Variants in ACSL3 observed in about 807,000 individuals in gnomAD.
ACSL3 encodes the protein fatty acid CoA ligase Acsl3.
Under a neutral mutation model 84.7 loss-of-function variants are expected in ACSL3, and 34 were observed. The ratio of observed to expected loss-of-function variants is 0.40; its 90% CI spans 0.31 to 0.53. The LOEUF is 0.53. Ranked by LOEUF, ACSL3 falls within the 20% of genes least tolerant of loss-of-function variation. ACSL3 has a pLI of 0.48. For synonymous variants in ACSL3, 315 were observed against 299.4 expected, an observed-to-expected ratio of 1.05 and a Z score of -0.54; for missense variants, 680 against 873.1, an observed-to-expected ratio of 0.78 and a Z score of 2.79.
intron 11 of ACSL3, 55 bp from the exon 12 acceptor site, chr2:222,926,962 T>C (rs1696896712): frequency 1.7e-5 from 26 of 1,568,392 alleles, no homozygotes; most frequent in Admixed American, 1.0e-4. Context: ...TTTAAGTGAT[T>C]TGGAAAATCC....
chr2:222,885,136 AT>A (rs1252082755), intron 1 of ACSL3, among the ~76,000 whole-genome samples: 1 of 152,180 alleles, frequency 6.6e-6, no homozygotes, highest in Non-Finnish European at 1.5e-5. Context: ...GATTTTTAAC[AT>A]TTATTGAGGG....
intron 1 of ACSL3, among the ~76,000 whole-genome samples, chr2:222,883,899 G>T (rs564110556): frequency 6.6e-6 from 1 of 152,086 alleles, no homozygotes; most frequent in Admixed American, 6.5e-5. Flanking sequence ...TAATTTCAAA[G>T]AACTTTTTCT....
At chr2:222,892,888 A>T (rs1370286124) in intron 2 of ACSL3, among the ~76,000 whole-genome samples, 1 of 152,204 alleles carries the variant, frequency 6.6e-6, no homozygotes, top group African/African-American at 2.4e-5. Context: ...TGCACTCAGA[A>T]TTGTTTCCCA....
intron 4 of ACSL3, among the ~76,000 whole-genome samples, chr2:222,913,956 T>C (rs535677325): frequency 6.6e-6 from 1 of 152,330 alleles, no homozygotes; most frequent in Non-Finnish European, 1.5e-5. Flanking sequence ...GTTACCCTCA[T>C]TATCATTATC....
intron 5 of ACSL3, among the ~76,000 whole-genome samples, chr2:222,916,923 A>G (rs965688561): frequency 2.0e-5 from 3 of 152,136 alleles, no homozygotes; most frequent in Non-Finnish European, 4.4e-5. Flanking sequence ...TATTGTAATT[A>G]TCTGAATGGT....
chr2:222,880,769 A>G (rs1087865), intron 1 of ACSL3, among the ~76,000 whole-genome samples: 139,133 of 150,412 alleles, frequency 0.93, 64,423 homozygotes, highest in East Asian at 0.98. Context: ...GGCGGAGCTT[A>G]CAGTGAGCAG....
At chr2:222,888,481 G>A (rs1336165680) in intron 2 of ACSL3, among the ~76,000 whole-genome samples, 1 of 152,160 alleles carries the variant, frequency 6.6e-6, no homozygotes, top group Non-Finnish European at 1.5e-5. Flanking sequence ...GTCTATGTTG[G>A]TAAAGTGCTT....
rs557412519 is a variant in ACSL3, at chr2:222,913,866, G to GT, written c.379-2447dup. On this transcript the variant is annotated intron_variant, in intron 4 of 16. Coordinates refer to ENST00000357430, the MANE Select transcript of ACSL3 (RefSeq NM_004457.5). ...TAAAATAGGGATAATAATAGTAACA[G>GT]TTTTTTACAGGTATGGTAAGAGTTT... Among the ~76,000 whole-genome samples the GT allele has an allele frequency of 1.3e-4, 20 of 152,280 alleles. No homozygotes were observed. In the South Asian group the frequency reaches 3.9e-3, roughly 30 times the overall value.
intron 1 of ACSL3, among the ~76,000 whole-genome samples, chr2:222,867,956 C>G (rs985175696): frequency 3.4e-5 from 5 of 147,368 alleles, no homozygotes; most frequent in African/African-American, 1.3e-4. Flanking sequence ...TTTTAGTAAT[C>G]TTTACTTTAG....
At chr2:222,877,999 A>C (rs569404045) in intron 1 of ACSL3, among the ~76,000 whole-genome samples, 1 of 150,468 alleles carries the variant, frequency 6.6e-6, no homozygotes, top group East Asian at 1.9e-4. Flanking sequence ...CTTCAGGGAG[A>C]GTAAGTTTAA....
At chr2:222,916,799 G>A (rs879620139) in intron 5 of ACSL3, 1 of 206,336 alleles carries the variant, frequency 4.8e-6, no homozygotes, top group African/African-American at 2.3e-5. Flanking sequence ...CTCTTTAGAA[G>A]TTACTGTCAA....
chr2:222,919,205 A>C lies in ACSL3; in HGVS notation c.805+3A>C. 1 of 1,613,680 alleles carries C rather than the reference A, an allele frequency of 6.2e-7. No individual in the cohort carries two copies. On this transcript the variant is annotated splice_donor_region_variant and intron_variant, in intron 7 of 16. Coordinates refer to ENST00000357430, the MANE Select transcript of ACSL3 (RefSeq NM_004457.5). Reference sequence around the variant, plus strand: ...CCTGGGAGCCAAGGCCAGCATGGGTATGTTACACTTTTCTAATTCCTTACC... The same window carrying C: ...CCTGGGAGCCAAGGCCAGCATGGGTCTGTTACACTTTTCTAATTCCTTACC...
chr2:222,926,562 CTTG>C (rs1168176239), intron 11 of ACSL3, among the ~76,000 whole-genome samples: 9 of 152,024 alleles, frequency 5.9e-5, no homozygotes, highest in African/African-American at 2.2e-4. Context: ...CAATTCAAAG[CTTG>C]AATTAGTGAA....
intron 1 of ACSL3, among the ~76,000 whole-genome samples, chr2:222,882,902 G>A (rs373699051): frequency 2.0e-5 from 3 of 151,926 alleles, no homozygotes; most frequent in East Asian, 3.9e-4. Context: ...TGAGTAGCTG[G>A]GATTACAGGC....
intron 13 of ACSL3, 88 bp downstream of exon 13, chr2:222,929,024 A>T (rs189181797): frequency 1.8e-6 from 2 of 1,090,998 alleles, no homozygotes; most frequent in Non-Finnish European, 2.8e-6. Flanking sequence ...TAGAATGTAA[A>T]CACCCATAAG....
intron 1 of ACSL3, among the ~76,000 whole-genome samples, chr2:222,875,905 G>A (rs980514064): frequency 6.6e-6 from 1 of 152,014 alleles, no homozygotes; most frequent in Non-Finnish European, 1.5e-5. Context: ...AACATTTATT[G>A]AACATATACT....
At chr2:222,917,747 T>C (rs1265661965) in intron 5 of ACSL3, 1 of 189,116 alleles carries the variant, frequency 5.3e-6, no homozygotes, top group Non-Finnish European at 1.1e-5. Flanking sequence ...GTCTTAGAAA[T>C]CAGTTATAAT....
At chr2:222,914,437 A>G (rs138514306) in intron 4 of ACSL3, among the ~76,000 whole-genome samples, 1 of 151,800 alleles carries the variant, frequency 6.6e-6, no homozygotes, top group East Asian at 1.9e-4. Flanking sequence ...TAATTTTTAC[A>G]CTTTTTTAGA....
intron 1 of ACSL3, among the ~76,000 whole-genome samples, chr2:222,880,004 C>T (rs1441067663): frequency 6.6e-6 from 1 of 151,158 alleles, no homozygotes; most frequent in Non-Finnish European, 1.5e-5. Flanking sequence ...GGACTTAATT[C>T]AGCTACTACC....
Sources: gnomAD v4.1 joint callset for allele counts (sites outside exome capture counted in the v4.1 genomes callset) on GRCh38, gnomAD v4.1.1 for gene constraint, MANE v1.5 for transcripts, NCBI Gene and HGNC (gene_info 2026-07-23, HGNC 2026-07-21) for gene names.